Variants in GPM6A observed in about 807,000 individuals in gnomAD.
GPM6A encodes glycoprotein M6A.
Under a neutral mutation model 32.1 loss-of-function variants are expected in GPM6A, and 7 were observed. That is an observed-to-expected ratio of 0.22 (90% CI 0.12 to 0.41). The LOEUF is 0.41. Among genes scored for constraint, GPM6A ranks in the 10% least tolerant of loss-of-function variants. The pLI is 1.00. For missense variants in GPM6A, 235 were observed against 347.2 expected (o/e 0.68, Z 2.57); for synonymous variants, 130 against 123.4 (o/e 1.05, Z -0.35).
At chr4:175,714,753 T>A (rs1054150738) in intron 1 of GPM6A, among the ~76,000 whole-genome samples, 1 of 152,164 alleles carries the variant, frequency 6.6e-6, no homozygotes, top group Non-Finnish European at 1.5e-5. Context: ...TTAAGATTAA[T>A]ATTTAACATT....
intron 1 of GPM6A, among the ~76,000 whole-genome samples, chr4:175,872,192 A>G (rs1404803383): frequency 1.3e-5 from 2 of 152,192 alleles, no homozygotes; most frequent in East Asian, 3.9e-4. Context: ...ACAGAGGTCT[A>G]CATTTGTCAG....
At chr4:175,763,692 A>T (rs1036864261) in intron 1 of GPM6A, among the ~76,000 whole-genome samples, 4 of 152,150 alleles carry the variant, frequency 2.6e-5, no homozygotes, top group African/African-American at 9.7e-5. Flanking sequence ...ATAAACTAAT[A>T]ACAGTGATTT....
At chr4:175,860,646 A>T (rs533937870) in intron 1 of GPM6A, among the ~76,000 whole-genome samples, 7 of 152,210 alleles carry the variant, frequency 4.6e-5, no homozygotes, top group Non-Finnish European at 7.3e-5. Context: ...CTGTCAATTT[A>T]TACTGACCAT....
chr4:175,693,873 G>C (rs1050643897), intron 2 of GPM6A, among the ~76,000 whole-genome samples: 1 of 152,070 alleles, frequency 6.6e-6, no homozygotes, highest in Non-Finnish European at 1.5e-5. Flanking sequence ...TGGATCATAG[G>C]GGCAGTTTCT....
intron 1 of GPM6A, among the ~76,000 whole-genome samples, chr4:175,879,690 C>T (rs937573258): frequency 6.6e-6 from 1 of 152,108 alleles, no homozygotes; most frequent in African/African-American, 2.4e-5. Flanking sequence ...CCATATCAAG[C>T]ACCTTTATAT....
intron 4 of GPM6A, among the ~76,000 whole-genome samples, chr4:175,644,155 G>A (rs1461442929): frequency 2.5e-5 from 3 of 118,248 alleles, no homozygotes; most frequent in Non-Finnish European, 4.9e-5. Context: ...ATGGAGTCTC[G>A]CTCTTTTGCC....
chr4:175,812,307 T>TTG (rs1560946649), upstream of GPM6A: 15 of 1,068,552 alleles, frequency 1.4e-5, no homozygotes, highest in African/African-American at 3.3e-4. Flanking sequence ...GGGGGTTTTT[T>TTG]TTTTTTTTTT....
intron 3 of GPM6A, among the ~76,000 whole-genome samples, chr4:175,659,771 A>T (rs1233040089): frequency 6.6e-6 from 1 of 152,180 alleles, no homozygotes; most frequent in Non-Finnish European, 1.5e-5. Flanking sequence ...TGTTTTACTT[A>T]CTGCTTATCT....
intron 3 of GPM6A, among the ~76,000 whole-genome samples, chr4:175,657,618 G>C (rs903700253): frequency 3.9e-5 from 6 of 152,050 alleles, no homozygotes; most frequent in Admixed American, 2.0e-4. Flanking sequence ...ATAGCCAAAG[G>C]CATGAATGAG....
intron 2 of GPM6A, among the ~76,000 whole-genome samples, chr4:175,685,916 A>AGTGTGT (rs56903622): frequency 6.7e-6 from 1 of 149,420 alleles, no homozygotes; most frequent in Non-Finnish European, 1.5e-5. Context: ...GATCATTAAA[A>AGTGTGT]GTGTGTGTGT....
chr4:175,836,638 A>G (rs1560957981), intron 1 of GPM6A, among the ~76,000 whole-genome samples: 2 of 152,174 alleles, frequency 1.3e-5, no homozygotes, highest in South Asian at 2.1e-4. Flanking sequence ...AAAAGAACCA[A>G]TGCAAATTTC....
rs187905768 is a variant in GPM6A, at chr4:175,780,845, A to G, written c.37+31346T>C. Among the ~76,000 whole-genome samples, 138 of 152,272 alleles carry G rather than the reference A, an allele frequency of 9.1e-4. 1 individual carries two copies. The East Asian group carries it at 0.023, about 25-fold the overall frequency. The stretch of plus-strand genomic sequence containing the variant: ...GTGATCACCCATCTATAATAATATT[A>G]TATTTTATTGGATGAATATAGAAAC... On this transcript the variant is annotated intron_variant, in intron 1 of 6. Coordinates refer to ENST00000393658, the MANE Select transcript of GPM6A (RefSeq NM_201591.3).
chr4:175,995,205 G>A (rs1170683974), intron 1 of GPM6A, among the ~76,000 whole-genome samples: 1 of 151,998 alleles, frequency 6.6e-6, no homozygotes, highest in African/African-American at 2.4e-5. Context: ...TATGAATCGT[G>A]AATGTTCTTA....
At chr4:175,760,470 T>C (rs1030708336) in intron 1 of GPM6A, among the ~76,000 whole-genome samples, 32 of 152,168 alleles carry the variant, frequency 2.1e-4, no homozygotes, top group African/African-American at 7.0e-4. Flanking sequence ...TTATCTCTTA[T>C]AGCTCTTCAC....
chr4:175,981,483 AATTG>A (rs1715969569), intron 1 of GPM6A, among the ~76,000 whole-genome samples: 1 of 152,078 alleles, frequency 6.6e-6, no homozygotes, highest in Non-Finnish European at 1.5e-5. Context: ...GTGTCACATA[AATTG>A]ATTGATTGCC....
chr4:175,877,651 C>T (rs949017384), intron 1 of GPM6A, among the ~76,000 whole-genome samples: 3 of 152,172 alleles, frequency 2.0e-5, no homozygotes, highest in Admixed American at 1.3e-4. Flanking sequence ...TTATCTCCAC[C>T]TGGTCCCACC....
At chr4:175,837,627 C>T (rs1014414904) in intron 1 of GPM6A, among the ~76,000 whole-genome samples, 1 of 152,142 alleles carries the variant, frequency 6.6e-6, no homozygotes. Context: ...AGAGTTAAGG[C>T]TGGCACCAGG....
At chr4:175,737,651 A>C (rs1471096859) in intron 1 of GPM6A, among the ~76,000 whole-genome samples, 1 of 152,200 alleles carries the variant, frequency 6.6e-6, no homozygotes, top group Non-Finnish European at 1.5e-5. Flanking sequence ...AAATGTCATG[A>C]AAACATGTTC....
intron 1 of GPM6A, among the ~76,000 whole-genome samples, chr4:175,913,922 C>T (rs964329424): frequency 5.3e-5 from 8 of 152,184 alleles, no homozygotes; most frequent in Non-Finnish European, 1.2e-4. Context: ...TCTTCCCTCT[C>T]ACCATTGACA....
Sources: allele counts gnomAD v4.1 joint callset (sites outside exome capture counted in the v4.1 genomes callset), GRCh38; gene constraint gnomAD v4.1.1; transcripts MANE v1.5; gene names NCBI Gene and HGNC (gene_info 2026-07-23, HGNC 2026-07-21).